The following PPP1R37 variants were observed in gnomAD, a reference collection of about 807,000 sequenced individuals.
PPP1R37 encodes the protein protein phosphatase 1 regulatory subunit 37, also known as leucine rich repeat containing 68.
A neutral mutation model predicts 61.0 loss-of-function variants in PPP1R37; 21 were observed. That is an observed-to-expected ratio of 0.34 (90% confidence interval 0.24 to 0.50). PPP1R37 has a LOEUF of 0.50. Ranked by LOEUF, PPP1R37 falls within the 20% of genes least tolerant of loss-of-function variation. The pLI is 0.98. For missense variants in PPP1R37, 910 were observed against 952.7 expected, an observed-to-expected ratio of 0.96 and a Z score of 0.59; for synonymous variants, 443 against 433.5, an observed-to-expected ratio of 1.02 and a Z score of -0.27.
intron 1 of PPP1R37, among the ~76,000 whole-genome samples, chr19:45,123,442 C>T (rs1646358464): frequency 6.6e-6 from 1 of 152,210 alleles, no homozygotes; most frequent in South Asian, 2.1e-4. Flanking sequence ...TGGCAGCCTC[C>T]CTGTCTTGAA....
chr19:45,127,431 T>C lies in PPP1R37; in HGVS notation c.203-11083T>C, dbSNP rs183778775. Among the ~76,000 whole-genome samples the C allele has an allele frequency of 2.1e-3, 319 of 151,726 alleles. 2 individuals are homozygous for C. The highest frequency in any genetic ancestry group is 7.3e-3 in the African/African-American group (303 of 41,310). The stretch of plus-strand genomic sequence containing the variant: ...GGCTACCTGGAATAGTCTAGTGCTC[T>C]TGGGCTCCACACCTGCACAGCATGT... On this transcript the variant is annotated intron_variant, in intron 1 of 12. Coordinates refer to ENST00000221462, the MANE Select transcript of PPP1R37 (RefSeq NM_019121.2).
intron 2 of PPP1R37, among the ~76,000 whole-genome samples, chr19:45,139,017 G>A (rs1013993680): frequency 6.9e-6 from 1 of 145,712 alleles, no homozygotes; most frequent in East Asian, 2.0e-4. Flanking sequence ...GGGTTCAAGC[G>A]ATTCTCCTGC....
intron 8 of PPP1R37, chr19:45,144,483 A>G (rs373143552): frequency 6.8e-4 from 158 of 231,200 alleles, no homozygotes; most frequent in African/African-American, 3.2e-3. Flanking sequence ...CAAGCCACTC[A>G]GGTACAGAGA....
chr19:45,101,376 G>A (rs910289971), intron 1 of PPP1R37, among the ~76,000 whole-genome samples: 1 of 152,208 alleles, frequency 6.6e-6, no homozygotes, highest in Non-Finnish European at 1.5e-5. Flanking sequence ...AGAGACTGCT[G>A]TGTGGGGCCT....
intron 1 of PPP1R37, among the ~76,000 whole-genome samples, chr19:45,116,423 T>C (rs972495538): frequency 6.6e-6 from 1 of 152,206 alleles, no homozygotes; most frequent in Non-Finnish European, 1.5e-5. Context: ...TCCTGCAGCA[T>C]GTGGCCACGG....
Position 45,095,758 on chromosome 19 carries a change from TAAAAAAAA to T in PPP1R37, c.202+2244_202+2251del, listed in dbSNP as rs371559844. Among the ~76,000 whole-genome samples, 182 of 117,116 alleles carry T rather than the reference TAAAAAAAA, an allele frequency of 1.6e-3. 3 individuals carry two copies. The highest frequency in any genetic ancestry group is 4.8e-3 in the African/African-American group (150 of 31,576). 76.8% of individuals were successfully genotyped at this position (117,116 alleles called of 152,430 possible). A position where few individuals can be genotyped will look rare whatever the true frequency, so the allele number is the denominator to read the frequency against. On this transcript the variant is annotated intron_variant, in intron 1 of 12. Coordinates refer to ENST00000221462, the MANE Select transcript of PPP1R37 (RefSeq NM_019121.2). Reference sequence around the variant, plus strand: ...AGCTTGGGTGACAGAGACCCGGTCTTAAAAAAAAAAAAAAAAAAAAGAGTTTTGGCACT... The same window carrying T: ...AGCTTGGGTGACAGAGACCCGGTCTTAAAAAAAAAAAAGAGTTTTGGCACT...
chr19:45,140,719 G>T, intron 4 of PPP1R37, 113 bp downstream of exon 4: 1 of 743,470 alleles, frequency 1.3e-6, no homozygotes, highest in Non-Finnish European at 2.3e-6. Context: ...AAGGCTGAGG[G>T]GTGGCGCAAG....
chr19:45,098,882 G>A (rs1050791740), intron 1 of PPP1R37, among the ~76,000 whole-genome samples: 2 of 152,046 alleles, frequency 1.3e-5, no homozygotes, highest in African/African-American at 4.8e-5. Context: ...TCAGATTTCC[G>A]TCTGGGCCCA....
intron 1 of PPP1R37, among the ~76,000 whole-genome samples, chr19:45,106,637 G>A (rs1173429460): frequency 6.6e-6 from 1 of 152,028 alleles, no homozygotes; most frequent in African/African-American, 2.4e-5. Flanking sequence ...CCAGGCTCAA[G>A]TGATCCTCTT....
intron 1 of PPP1R37, among the ~76,000 whole-genome samples, chr19:45,110,842 A>G (rs1303639657): frequency 6.6e-6 from 1 of 152,118 alleles, no homozygotes; most frequent in Non-Finnish European, 1.5e-5. Flanking sequence ...ATTCCAATCT[A>G]AAGCACTCCC....
intron 1 of PPP1R37, among the ~76,000 whole-genome samples, chr19:45,099,121 C>T (rs529998400): frequency 6.6e-6 from 1 of 152,274 alleles, no homozygotes; most frequent in East Asian, 1.9e-4. Flanking sequence ...CTGCCCCCAC[C>T]TATAGCCCTA....
chr19:45,108,039 C>G (rs1295425029), intron 1 of PPP1R37, among the ~76,000 whole-genome samples: 3 of 152,186 alleles, frequency 2.0e-5, no homozygotes, highest in East Asian at 3.9e-4. Flanking sequence ...AGAAAAAATT[C>G]TTAGAAGGTG....
At chr19:45,138,406 G>A (rs1388579541) in intron 1 of PPP1R37, 108 bp from the exon 2 acceptor site, 1 of 719,570 alleles carries the variant, frequency 1.4e-6, no homozygotes, top group Non-Finnish European at 2.3e-6. Context: ...TGTTGGGGGA[G>A]GGCTGAAGAG....
intron 1 of PPP1R37, among the ~76,000 whole-genome samples, chr19:45,120,917 G>A (rs756952649): frequency 2.0e-4 from 31 of 152,178 alleles, no homozygotes; most frequent in African/African-American, 7.0e-4. Flanking sequence ...ACTGTGCCCC[G>A]CACATTTGTA....
chr19:45,116,496 C>T (rs1968269093), intron 1 of PPP1R37, among the ~76,000 whole-genome samples: 1 of 152,212 alleles, frequency 6.6e-6, no homozygotes, highest in Admixed American at 6.5e-5. Context: ...CCCTCTCACC[C>T]AGGAAACTGC....
At chr19:45,128,582 G>A in intron 1 of PPP1R37, 2 of 1,263,742 alleles carry the variant, frequency 1.6e-6, no homozygotes, top group South Asian at 1.2e-5. Context: ...CAGATGATTT[G>A]GACTTCGAGA....
intron 11 of PPP1R37, 31 bp downstream of exon 11, chr19:45,146,080 G>T: frequency 1.3e-6 from 2 of 1,490,490 alleles, no homozygotes; most frequent in Non-Finnish European, 1.8e-6. Flanking sequence ...GGTGTTGAGG[G>T]GCCCTGGGTG....
intron 3 of PPP1R37, 30 bp downstream of exon 3, chr19:45,140,311 T>C (rs1036548703): frequency 2.0e-6 from 3 of 1,530,658 alleles, no homozygotes; most frequent in Non-Finnish European, 1.8e-6. Flanking sequence ...TTGAGAGCCC[T>C]TGGGTCATGG....
In PPP1R37 at chr19:45,145,556, A is replaced by G; in HGVS notation, c.1500A>G (p.Ala500=). ...AGVQNGAPSP[A]PSPDSDSDSD... The stretch of plus-strand genomic sequence containing the variant: ...TGCAGAACGGGGCCCCCAGCCCCGC[A>G]CCCAGCCCGGACTCAGACTCAGACT... The change falls in exon 11 of 13, where the codon GCA becomes GCG. Residue 500 remains alanine, a synonymous_variant. Coordinates refer to ENST00000221462, the MANE Select transcript of PPP1R37 (RefSeq NM_019121.2). The G allele has an allele frequency of 6.5e-7, 1 of 1,534,622 alleles. No homozygotes were observed. The highest frequency in any genetic ancestry group is 8.7e-7 in the Non-Finnish European group (1 of 1,146,432).
Sources: allele counts gnomAD v4.1 joint callset (sites outside exome capture counted in the v4.1 genomes callset), GRCh38; gene constraint gnomAD v4.1.1; transcripts MANE v1.5; gene names NCBI Gene and HGNC (gene_info 2026-07-23, HGNC 2026-07-21).